Variants in LRFN2 observed in about 807,000 individuals in gnomAD.
LRFN2 encodes the protein leucine rich repeat and fibronectin type III domain containing 2, also known as leucine-rich repeat and fibronectin type-III domain-containing protein 2.
In LRFN2, 18 loss-of-function variants were observed where a neutral mutation model predicts 37.3. The observed-to-expected ratio is 0.48, with a 90% CI of 0.33 to 0.72. The LOEUF (loss-of-function observed/expected upper bound fraction) is 0.72. Among genes scored for constraint, LRFN2 ranks in the 30% least tolerant of loss-of-function variants. The pLI, the probability that LRFN2 is intolerant of heterozygous loss-of-function variation, is 0.02. For synonymous variants in LRFN2, 556 were observed against 466.6 expected (o/e 1.19, Z -2.47); for missense variants, 1,006 against 1,060.7 (o/e 0.95, Z 0.72).
chr6:40,483,219 T>G (rs1764874850), intron 1 of LRFN2, among the ~76,000 whole-genome samples: 1 of 152,274 alleles, frequency 6.6e-6, no homozygotes, highest in African/African-American at 2.4e-5. Context: ...CCAGCTACGC[T>G]GTAGATGTTA....
intron 1 of LRFN2, among the ~76,000 whole-genome samples, chr6:40,488,204 T>C (rs1457116679): frequency 6.6e-6 from 1 of 152,130 alleles, no homozygotes; most frequent in Non-Finnish European, 1.5e-5. Flanking sequence ...GGAGAGCACC[T>C]GTCAGGAGGA....
chr6:40,446,970 G>T, intron 1 of LRFN2, among the ~76,000 whole-genome samples: 1 of 149,324 alleles, frequency 6.7e-6, no homozygotes, highest in African/African-American at 2.5e-5. Context: ...GTTCCCTGAG[G>T]ACGAGGCTGC....
chr6:40,529,761 G>T (rs1339142546), intron 1 of LRFN2, among the ~76,000 whole-genome samples: 1 of 152,152 alleles, frequency 6.6e-6, no homozygotes, highest in East Asian at 1.9e-4. Context: ...AATTTCCCCA[G>T]CCATTAAGTA....
At chr6:40,455,165 C>T (rs1265207092) in intron 1 of LRFN2, among the ~76,000 whole-genome samples, 3 of 152,164 alleles carry the variant, frequency 2.0e-5, no homozygotes, top group African/African-American at 4.8e-5. Flanking sequence ...CCTCTTTATT[C>T]TCATGGTTTC....
chr6:40,437,162 C>T (rs971081572), intron 1 of LRFN2, among the ~76,000 whole-genome samples: 7 of 152,092 alleles, frequency 4.6e-5, no homozygotes, highest in Non-Finnish European at 1.0e-4. Context: ...GTCAGGTGCC[C>T]CTGGGCCCAG....
intron 1 of LRFN2, among the ~76,000 whole-genome samples, chr6:40,545,062 A>G (rs1470222516): frequency 3.3e-5 from 5 of 152,196 alleles, no homozygotes; most frequent in Non-Finnish European, 7.4e-5. Flanking sequence ...GAGCCAGAGT[A>G]TTGCAAATCA....
chr6:40,408,835 G>A (rs1350697076), intron 2 of LRFN2, among the ~76,000 whole-genome samples: 2 of 152,168 alleles, frequency 1.3e-5, no homozygotes, highest in Non-Finnish European at 2.9e-5. Context: ...TAGTTTCTTT[G>A]TATTGCTTAA....
intron 2 of LRFN2, among the ~76,000 whole-genome samples, chr6:40,423,436 C>A (rs192130907): frequency 6.6e-6 from 1 of 152,184 alleles, no homozygotes; most frequent in African/African-American, 2.4e-5. Context: ...CTATGAAGAA[C>A]GCTCTTTCAA....
At chr6:40,442,089 C>A (rs1188234197) in intron 1 of LRFN2, among the ~76,000 whole-genome samples, 3 of 152,210 alleles carry the variant, frequency 2.0e-5, no homozygotes, top group Admixed American at 6.5e-5. Context: ...AATCACAGAG[C>A]ACCCCAGTTC....
At chr6:40,412,878 A>T (rs1035361241) in intron 2 of LRFN2, among the ~76,000 whole-genome samples, 1 of 152,172 alleles carries the variant, frequency 6.6e-6, no homozygotes, top group Non-Finnish European at 1.5e-5. Flanking sequence ...TAAGAGAGAA[A>T]AAGAAAGTGC....
At chr6:40,551,612 GTGAT>G (rs1275243057) in intron 1 of LRFN2, among the ~76,000 whole-genome samples, 8 of 152,218 alleles carry the variant, frequency 5.3e-5, no homozygotes, top group African/African-American at 9.6e-5. Flanking sequence ...GGAGTAGATA[GTGAT>G]TGATAACTAT....
intron 1 of LRFN2, among the ~76,000 whole-genome samples, chr6:40,535,706 C>A (rs116552669): frequency 0.018 from 2,690 of 152,198 alleles, 42 homozygotes; most frequent in Admixed American, 0.035. Context: ...GTGGGAGGTG[C>A]AGGTGGGGAG....
At position 40,432,374 on chromosome 6, in the gene LRFN2, T is replaced by C. The variant is rs56078350; in HGVS notation, c.740A>G (p.Asn247Ser). ...CCTCCGCAGCCAGAGAAGCTCACAA[T>C]TGCAGTGAAGTGGGTTACCCCCAAA... is the stretch of plus-strand genomic sequence containing the variant. Reference protein sequence around the residue: ...FSFGGNPLHCNCELLWLRRLE... With the variant: ...FSFGGNPLHCSCELLWLRRLE... The change falls in exon 2 of 3, where the codon AAT (asparagine) becomes AGT (serine). Residue 247 changes from asparagine to serine, a missense_variant. Around this residue, in one of 4 missense-constraint regions of LRFN2, gnomAD observed 303 missense variants for 299.8 expected, o/e 1.01. Transcript: ENST00000338305. The C allele has an allele frequency of 6.2e-7, 1 of 1,614,130 alleles. No homozygotes were observed. Among genetic ancestry groups the C allele is most frequent in the East Asian group, 2.2e-5 (1 of 44,872 alleles).
intron 2 of LRFN2, among the ~76,000 whole-genome samples, chr6:40,426,683 C>T (rs1763361215): frequency 6.6e-6 from 1 of 152,144 alleles, no homozygotes; most frequent in South Asian, 2.1e-4. Context: ...CTTTTCCACC[C>T]ACAAATACTT....
At chr6:40,528,006 G>A (rs893862054) in intron 1 of LRFN2, among the ~76,000 whole-genome samples, 5 of 152,204 alleles carry the variant, frequency 3.3e-5, no homozygotes, top group African/African-American at 1.2e-4. Context: ...ATTTATGGAG[G>A]AGAAAATGGA....
At chr6:40,398,004 C>T (rs1453161476) in intron 2 of LRFN2, among the ~76,000 whole-genome samples, 1 of 151,894 alleles carries the variant, frequency 6.6e-6, no homozygotes, top group Non-Finnish European at 1.5e-5. Flanking sequence ...TAACTTAGTT[C>T]TAGTCTTACA....
intron 2 of LRFN2, among the ~76,000 whole-genome samples, chr6:40,419,308 G>A (rs889758264): frequency 6.6e-6 from 1 of 152,328 alleles, no homozygotes; most frequent in African/African-American, 2.4e-5. Flanking sequence ...TTTTGCAGGT[G>A]TGATACCAAC....
intron 1 of LRFN2, among the ~76,000 whole-genome samples, chr6:40,520,812 T>A (rs1766039981): frequency 6.6e-6 from 1 of 152,120 alleles, no homozygotes; most frequent in Admixed American, 6.5e-5. Flanking sequence ...TGGCAGATGC[T>A]TGGCCGTGAA....
At chr6:40,459,827 A>T (rs1317768855) in intron 1 of LRFN2, among the ~76,000 whole-genome samples, 2 of 152,202 alleles carry the variant, frequency 1.3e-5, no homozygotes, top group Non-Finnish European at 2.9e-5. Context: ...GTCTCTGGCT[A>T]GGGGCCTCAT....
Sources: gnomAD v4.1 joint callset for allele counts (sites outside exome capture counted in the v4.1 genomes callset) on GRCh38, gnomAD v4.1.1 for gene constraint, gnomAD v4.1.1 regional missense constraint, MANE v1.5 for transcripts, NCBI Gene and HGNC (gene_info 2026-07-23, HGNC 2026-07-21) for gene names.